TMEM178B: variants seen among roughly 807,000 people sequenced by gnomAD.
TMEM178B encodes the protein transmembrane protein 178B.
A neutral mutation model predicts 31.0 loss-of-function variants in TMEM178B; 5 were observed. The ratio of observed to expected loss-of-function variants is 0.16; its 90% CI spans 0.08 to 0.34. TMEM178B has a LOEUF of 0.34. TMEM178B is among the 10% of genes least tolerant of loss of function. The pLI is 1.00. For synonymous variants in TMEM178B, 164 were observed against 164.0 expected (o/e 1.00, Z 0.00); for missense variants, 275 against 400.3 (o/e 0.69, Z 2.67).
chr7:141,206,732 G>T (rs1796968681), intron 1 of TMEM178B, among the ~76,000 whole-genome samples: 1 of 152,078 alleles, frequency 6.6e-6, no homozygotes, highest in Admixed American at 6.6e-5. Context: ...TCCTTCACTG[G>T]TCTCTTCATA....
chr7:141,361,433 T>C (rs1206175439), intron 2 of TMEM178B, among the ~76,000 whole-genome samples: 1 of 152,188 alleles, frequency 6.6e-6, no homozygotes, highest in Non-Finnish European at 1.5e-5. Context: ...GAGAGGAGAA[T>C]GAGAGGTCCT....
chr7:141,353,591 AAAAC>A (rs1254069252), intron 2 of TMEM178B, among the ~76,000 whole-genome samples: 1 of 152,222 alleles, frequency 6.6e-6, no homozygotes, highest in African/African-American at 2.4e-5. Flanking sequence ...TATGATACTC[AAAAC>A]ATACACTATT....
chr7:141,465,702 G>T (rs1205632505), intron 3 of TMEM178B, among the ~76,000 whole-genome samples: 2 of 152,116 alleles, frequency 1.3e-5, no homozygotes, highest in Admixed American at 6.5e-5. Flanking sequence ...GAACTTCTAT[G>T]TGGAGAGGTA....
chr7:141,418,239 C>T (rs925301084), intron 2 of TMEM178B, among the ~76,000 whole-genome samples: 1 of 152,206 alleles, frequency 6.6e-6, no homozygotes, highest in African/African-American at 2.4e-5. Flanking sequence ...CCTCTTCTCT[C>T]CAGCCAGGCT....
chr7:141,322,537 AAATC>A (rs982192459), intron 2 of TMEM178B, among the ~76,000 whole-genome samples: 1 of 152,166 alleles, frequency 6.6e-6, no homozygotes, highest in Non-Finnish European at 1.5e-5. Context: ...TCCGTTTTAA[AAATC>A]AATCAATCAA....
At position 141,121,362 on chromosome 7, in the gene TMEM178B, C is replaced by A. The variant is rs145619361; in HGVS notation, c.382+46670C>A. 5.9e-5 allele frequency among the ~76,000 whole-genome samples: 9 copies of A among 152,278 alleles called. No homozygotes were observed. In the East Asian group the frequency reaches 1.7e-3, roughly 29 times the overall value. On this transcript the variant is annotated intron_variant, in intron 1 of 3. Coordinates refer to ENST00000565468, the MANE Select transcript of TMEM178B (RefSeq NM_001195278.2). ...GTCAGTATTGTTTTCCAAACACCCA[C>A]ACATGTCAGATACTCTGTAAGTTCC...
intron 2 of TMEM178B, among the ~76,000 whole-genome samples, chr7:141,270,741 C>T (rs1305652578): frequency 6.6e-6 from 1 of 152,232 alleles, no homozygotes; most frequent in African/African-American, 2.4e-5. Context: ...CTAGCCTTCG[C>T]TGCTAAATGT....
intron 1 of TMEM178B, among the ~76,000 whole-genome samples, chr7:141,167,432 C>T (rs955384831): frequency 6.6e-6 from 1 of 152,254 alleles, no homozygotes; most frequent in African/African-American, 2.4e-5. Flanking sequence ...TGAGTGTGCG[C>T]GAATCGTGTT....
At chr7:141,265,977 C>T (rs1235250928) in intron 2 of TMEM178B, among the ~76,000 whole-genome samples, 1 of 152,154 alleles carries the variant, frequency 6.6e-6, no homozygotes, top group African/African-American at 2.4e-5. Flanking sequence ...GATGTGGTGC[C>T]TGACTGAGGG....
rs751930848 is a variant in TMEM178B, at chr7:141,132,892, A to G, written c.382+58200A>G. On this transcript the variant is annotated intron_variant, in intron 1 of 3. Transcript: ENST00000565468. Reference sequence around the variant, plus strand: ...GTGTCTGATGACCAGTCTGCCTGGCATCCCTGTCTCCCACAGAGCCTTGCC... The same window carrying G: ...GTGTCTGATGACCAGTCTGCCTGGCGTCCCTGTCTCCCACAGAGCCTTGCC... Among the ~76,000 whole-genome samples the G allele has an allele frequency of 2.6e-4, 40 of 152,224 alleles. 1 individual carries two copies. Among genetic ancestry groups the G allele is most frequent in the Non-Finnish European group, 1.5e-5 (1 of 68,046 alleles).
chr7:141,508,771 G>A, the TMEM178B span, among the ~76,000 whole-genome samples: 6 of 152,144 alleles, frequency 3.9e-5, no homozygotes, highest in Non-Finnish European at 8.8e-5. Flanking sequence ...AATCGCACAG[G>A]AAAGACTGGC....
chr7:141,123,864 C>T (rs1425442849), intron 1 of TMEM178B, among the ~76,000 whole-genome samples: 1 of 151,390 alleles, frequency 6.6e-6, no homozygotes, highest in African/African-American at 2.5e-5. Context: ...GTGATCCATC[C>T]ACCTCAGCTT....
At chr7:141,167,622 C>T (rs1459630805) in intron 1 of TMEM178B, among the ~76,000 whole-genome samples, 3 of 152,226 alleles carry the variant, frequency 2.0e-5, no homozygotes, top group African/African-American at 7.2e-5. Context: ...TGCCCTCTCA[C>T]AAAGGGCTTC....
rs577702273 is a variant in TMEM178B, at chr7:141,183,937, C to T, written c.383-28654C>T. On this transcript the variant is annotated intron_variant, in intron 1 of 3. Coordinates refer to ENST00000565468, the MANE Select transcript of TMEM178B (RefSeq NM_001195278.2). ...GTTTGGCCTCAGCAAAGAAGCATCA[C>T]GTTCAGACACGATGGAACTGGACCT... Among the ~76,000 whole-genome samples, 67 of 152,306 alleles carry T rather than the reference C, an allele frequency of 4.4e-4. No homozygotes were observed. In the South Asian group the frequency reaches 0.013, roughly 30 times the overall value.
At chr7:141,201,756 A>T (rs6964666) in intron 1 of TMEM178B, among the ~76,000 whole-genome samples, 4 of 152,104 alleles carry the variant, frequency 2.6e-5, no homozygotes, top group African/African-American at 9.7e-5. Context: ...TGTGTTACTG[A>T]GGAGCTATCT....
At chr7:141,277,434 G>A (rs1798283669) in intron 2 of TMEM178B, among the ~76,000 whole-genome samples, 1 of 152,148 alleles carries the variant, frequency 6.6e-6, no homozygotes, top group African/African-American at 2.4e-5. Context: ...CCACTGGAAG[G>A]TCTTCAGGGG....
At chr7:141,129,146 G>A (rs540547840) in intron 1 of TMEM178B, among the ~76,000 whole-genome samples, 2 of 152,162 alleles carry the variant, frequency 1.3e-5, no homozygotes, top group African/African-American at 2.4e-5. Flanking sequence ...TACGGATTGT[G>A]TTGTGATGTT....
intron 1 of TMEM178B, among the ~76,000 whole-genome samples, chr7:141,174,082 A>T (rs560419083): frequency 5.9e-5 from 9 of 152,240 alleles, no homozygotes; most frequent in African/African-American, 2.2e-4. Flanking sequence ...TACATTAGGT[A>T]TATCTCCTAA....
intron 2 of TMEM178B, among the ~76,000 whole-genome samples, chr7:141,218,514 G>C (rs1389458005): frequency 6.6e-6 from 1 of 152,194 alleles, no homozygotes; most frequent in African/African-American, 2.4e-5. Context: ...ACCACTGCCT[G>C]TGGGTTGGCT....
Sources: gnomAD v4.1 joint callset for allele counts (sites outside exome capture counted in the v4.1 genomes callset) on GRCh38, gnomAD v4.1.1 for gene constraint, MANE v1.5 for transcripts, NCBI Gene and HGNC (gene_info 2026-07-23, HGNC 2026-07-21) for gene names.